Variants in PISD observed in about 807,000 individuals in gnomAD.
PISD encodes the protein phosphatidylserine decarboxylase.
PISD carries 31 observed loss-of-function variants against 43.5 expected under a neutral mutation model. The ratio of observed to expected loss-of-function variants is 0.71; its 90% CI spans 0.54 to 0.96. The LOEUF (loss-of-function observed/expected upper bound fraction) is 0.96, where lower values mean the gene tolerates loss of function less well. PISD is among the 40% of genes least tolerant of loss of function. The pLI, the probability that PISD is intolerant of heterozygous loss-of-function variation, is 0.00. For synonymous variants in PISD, 259 were observed against 228.7 expected (o/e 1.13, Z -1.20); for missense variants, 523 against 548.4 (o/e 0.95, Z 0.46).
intron 3 of PISD, among the ~76,000 whole-genome samples, chr22:31,631,642 C>T (rs1038756921): frequency 6.6e-6 from 1 of 152,204 alleles, no homozygotes; most frequent in African/African-American, 2.4e-5. Context: ...CACCCCGTAC[C>T]CACATGGTGC....
intron 1 of PISD, among the ~76,000 whole-genome samples, chr22:31,653,120 A>G (rs1485929817): frequency 6.6e-6 from 1 of 151,756 alleles, no homozygotes; most frequent in East Asian, 1.9e-4. Context: ...ATTCTCCTAT[A>G]GGCAAACAAG....
At chr22:31,657,994 T>G (rs1367750522) in intron 1 of PISD, among the ~76,000 whole-genome samples, 1 of 152,226 alleles carries the variant, frequency 6.6e-6, no homozygotes, top group African/African-American at 2.4e-5. Flanking sequence ...GAGCACTAAC[T>G]TCTTAATTAT....
chr22:31,630,368 C>A lies in PISD; in HGVS notation c.322-8483G>T, dbSNP rs1603402089. ...CCCTCTTCCCCAGGCGGCCTGCCCC[C>A]AGGCCCTCCGGCAGCACCAAGGAGA... On this transcript the variant is annotated intron_variant, in intron 3 of 7. Transcript: ENST00000439502. The surrounding 1 kb of genome is among the most constrained non-coding windows in gnomAD (Gnocchi z 4.4). Among the ~76,000 whole-genome samples the A allele has an allele frequency of 1.3e-5, 2 of 152,248 alleles. No individual in the cohort carries two copies. Among genetic ancestry groups the A allele is most frequent in the Admixed American group, 1.3e-4 (2 of 15,306 alleles).
At chr22:31,645,115 C>T (rs1049847966) in intron 3 of PISD, among the ~76,000 whole-genome samples, 3 of 149,418 alleles carry the variant, frequency 2.0e-5, no homozygotes, top group African/African-American at 4.9e-5. Flanking sequence ...AGTGAGACTC[C>T]GTCTCAAAAA....
chr22:31,651,199 T>C (rs1213450484), intron 1 of PISD, among the ~76,000 whole-genome samples: 3 of 151,988 alleles, frequency 2.0e-5, no homozygotes, highest in Non-Finnish European at 4.4e-5. Context: ...CCTGATCTCA[T>C]GTGATCCACC....
intron 3 of PISD, among the ~76,000 whole-genome samples, chr22:31,624,738 C>T (rs1178468262): frequency 6.6e-6 from 1 of 151,396 alleles, no homozygotes; most frequent in African/African-American, 2.4e-5. Context: ...CACACACACA[C>T]ACACACACAC....
At chr22:31,636,966 G>A (rs1246086608) in intron 3 of PISD, among the ~76,000 whole-genome samples, 3 of 151,024 alleles carry the variant, frequency 2.0e-5, no homozygotes, top group Non-Finnish European at 2.9e-5. Flanking sequence ...GTGAGCCACC[G>A]CGCCCAACCT....
chr22:31,619,274 ACAACCGAGAC>A lies in PISD; in HGVS notation c.*328_*337del, dbSNP rs1366086995. ...GGGGGAGGAGCAGCAAGAAAAAACG[ACAACCGAGAC>A]CAACTGAAGGTTCGGTCAGGAATGC... On this transcript the variant is annotated 3_prime_UTR_variant, in exon 8 of 8. Transcript: ENST00000439502. The A allele has an allele frequency of 2.8e-6, 1 of 356,772 alleles. No homozygotes were observed. Among genetic ancestry groups the A allele is most frequent in the African/African-American group, 2.1e-5 (1 of 47,110 alleles). 22.1% of individuals were successfully genotyped at this position (356,772 alleles called of 1,614,324 possible). A position where few individuals can be genotyped will look rare whatever the true frequency, so the allele number is the denominator to read the frequency against.
chr22:31,641,385 G>A (rs113922453), intron 3 of PISD, among the ~76,000 whole-genome samples: 1,568 of 152,176 alleles, frequency 0.01, 34 homozygotes, highest in African/African-American at 0.036. Context: ...CAGCTGATAC[G>A]GTAACTGAGA....
At chr22:31,644,315 C>A (rs1004494445) in intron 3 of PISD, among the ~76,000 whole-genome samples, 1 of 151,192 alleles carries the variant, frequency 6.6e-6, no homozygotes, top group African/African-American at 2.4e-5. Context: ...TCTCAGCTCA[C>A]TGCAACCTCC....
chr22:31,620,492 A>G (rs2072489439), intron 7 of PISD, 61 bp downstream of exon 7: 3 of 1,547,982 alleles, frequency 1.9e-6, no homozygotes, highest in Middle Eastern at 1.7e-4. Context: ...CACAGCAGAC[A>G]AGGCAGGTAG....
intron 3 of PISD, among the ~76,000 whole-genome samples, chr22:31,634,189 A>C (rs2073324765): frequency 6.6e-6 from 1 of 152,210 alleles, no homozygotes; most frequent in South Asian, 2.1e-4. Flanking sequence ...TCCTCAGCTA[A>C]TTCTCATTTC....
At chr22:31,625,151 AG>A (rs1290673475) in intron 3 of PISD, among the ~76,000 whole-genome samples, 2 of 152,242 alleles carry the variant, frequency 1.3e-5, no homozygotes, top group East Asian at 3.8e-4. Flanking sequence ...GCAGCATCTC[AG>A]CTGATAGCAG....
In PISD at chr22:31,648,218, G is replaced by C; in HGVS notation, c.204C>G (p.Pro68=). The C allele has an allele frequency of 7.4e-6, 12 of 1,612,258 alleles. No individual in the cohort carries two copies. The highest frequency in any genetic ancestry group is 1.0e-5 in the Non-Finnish European group (12 of 1,179,658). The change falls in exon 3 of 8, where the codon CCC becomes CCG. Residue 68 remains proline, a synonymous_variant. Coordinates refer to ENST00000439502, the MANE Select transcript of PISD (RefSeq NM_001326411.2). ...ACCCGCCGCCTGTCACCAACAGAATGGGCAGGGGACGCAGCAGGAACATGG... is the reference window on the plus strand; with the variant it reads ...ACCCGCCGCCTGTCACCAACAGAATCGGCAGGGGACGCAGCAGGAACATGG... ...ARTMFLLRPL[P]ILLVTGGGYA... is the part of the protein sequence containing the mutation.
rs1198901482 is a variant in PISD at position 31,621,473 on chromosome 22, C to G, written c.559-1G>C. On this transcript the variant is annotated splice_acceptor_variant, in intron 4 of 7. Transcript: ENST00000439502. LOFTEE classifies it high-confidence loss of function. ...GGATCCTTCCATCCGATGGGCTAATCTGGAAGGGCAGGAGAGGCTTGCTGC... is the reference window on the plus strand; with the variant it reads ...GGATCCTTCCATCCGATGGGCTAATGTGGAAGGGCAGGAGAGGCTTGCTGC... 2 of 1,614,136 alleles carry G rather than the reference C, an allele frequency of 1.2e-6. No homozygotes were observed. Among genetic ancestry groups the G allele is most frequent in the Non-Finnish European group, 8.5e-7 (1 of 1,180,016 alleles).
chr22:31,622,331 C>T (rs2072630998), intron 3 of PISD, among the ~76,000 whole-genome samples: 1 of 152,194 alleles, frequency 6.6e-6, no homozygotes, highest in Non-Finnish European at 1.5e-5. Context: ...GGAGGAGGCT[C>T]CCAAGTGCAT....
chr22:31,650,492 G>GCATTC (rs1268932026), intron 2 of PISD, among the ~76,000 whole-genome samples: 1 of 147,624 alleles, frequency 6.8e-6, no homozygotes, highest in East Asian at 2.0e-4. Context: ...TTGCATCATT[G>GCATTC]CATTCCAGCC....
intron 3 of PISD, chr22:31,623,983 G>T: frequency 1.3e-6 from 1 of 750,800 alleles, no homozygotes; most frequent in Non-Finnish European, 2.1e-6. Context: ...CCATGGGGGT[G>T]ATGGAGCCCA....
intron 1 of PISD, 40 bp from the exon 2 acceptor site, chr22:31,650,818 A>C (rs943414238): frequency 2.7e-5 from 34 of 1,266,656 alleles, no homozygotes; most frequent in Non-Finnish European, 3.7e-5. Context: ...TATTATTCTT[A>C]AAATTAAAAT....
Sources: gnomAD v4.1 joint callset for allele counts (sites outside exome capture counted in the v4.1 genomes callset) on GRCh38, gnomAD v4.1.1 for gene constraint, Gnocchi (gnomAD v3.1) non-coding constraint, MANE v1.5 for transcripts, NCBI Gene and HGNC (gene_info 2026-07-23, HGNC 2026-07-21) for gene names.